The following PDGFRA variants were observed in gnomAD, a reference collection of about 807,000 sequenced individuals.
PDGFRA encodes the protein platelet-derived growth factor receptor alpha.
In PDGFRA, 25 loss-of-function variants were observed where a neutral mutation model predicts 121.5. The ratio of observed to expected loss-of-function variants is 0.21; its 90% confidence interval spans 0.15 to 0.29. The LOEUF (loss-of-function observed/expected upper bound fraction) is 0.29. Ranked by LOEUF, PDGFRA falls within the 10% of genes least tolerant of loss-of-function variation. The probability of loss-of-function intolerance (pLI) is 1.00; values close to 1 mark genes in which losing one functional copy is unlikely to be tolerated. For missense variants in PDGFRA, 1,008 were observed against 1,345.1 expected (o/e 0.75, Z 3.92); for synonymous variants, 463 against 494.8 (o/e 0.94, Z 0.85).
At position 54,295,883 on chromosome 4, in the gene PDGFRA, C is replaced by T. The variant is rs1230666569; in HGVS notation, c.*611C>T. The T allele has an allele frequency of 4.3e-6, 1 of 234,132 alleles. No individual in the cohort carries two copies. Among genetic ancestry groups the T allele is most frequent in the African/African-American group, 2.2e-5 (1 of 45,300 alleles). The allele number at this position is 234,132 out of a possible 1,614,324, so 14.5% of individuals were successfully genotyped here. On this transcript the variant is annotated 3_prime_UTR_variant, in exon 23 of 23. Transcript: ENST00000257290. ...CCAACCTTGTTTAATAGATTTGGGT[C>T]ATTTAGAAGCCTGACAACTCATTTT...
chr4:54,242,287 G>A (rs948860162), intron 1 of PDGFRA, among the ~76,000 whole-genome samples: 1 of 151,956 alleles, frequency 6.6e-6, no homozygotes, highest in African/African-American at 2.4e-5. Flanking sequence ...CTACCTTAAG[G>A]GTAATGTTGG....
At chr4:54,283,671 G>A (rs531703407) in intron 16 of PDGFRA, among the ~76,000 whole-genome samples, 1 of 152,360 alleles carries the variant, frequency 6.6e-6, no homozygotes, top group Non-Finnish European at 1.5e-5. Context: ...TGGTTGCCCA[G>A]CAGCCCTCTT....
chr4:54,241,086 A>C (rs1721271593), intron 1 of PDGFRA, among the ~76,000 whole-genome samples: 1 of 152,256 alleles, frequency 6.6e-6, no homozygotes, highest in African/African-American at 2.4e-5. Context: ...ACTAAAATTT[A>C]GAGTTACTAA....
At chr4:54,288,947 T>A (rs1239806427) in intron 20 of PDGFRA, 49 bp downstream of exon 20, 1 of 1,530,340 alleles carries the variant, frequency 6.5e-7, no homozygotes, top group Admixed American at 1.7e-5. Flanking sequence ...TCTGTGGGTC[T>A]AGGGGGAGGG....
rs2110301031 is a variant in PDGFRA, at chr4:54,274,992, C to T, written c.1786+19C>T. 6.2e-7 allele frequency: 1 copy of T among 1,613,652 alleles called. No homozygotes were observed. The highest frequency in any genetic ancestry group is 8.5e-7 in the Non-Finnish European group (1 of 1,179,686). ...GTGCTTGGTAAGTTCCATGGGGTAA[C>T]CTCCCAAGACTCCCTTTTCCCTTGC... On this transcript the variant is annotated intron_variant, in intron 12 of 22. Coordinates refer to ENST00000257290, the MANE Select transcript of PDGFRA (RefSeq NM_006206.6).
intron 1 of PDGFRA, among the ~76,000 whole-genome samples, chr4:54,232,868 A>G (rs1720761627): frequency 6.6e-6 from 1 of 152,148 alleles, no homozygotes; most frequent in Admixed American, 6.5e-5. Context: ...TTACAGGCGT[A>G]AGCCACCGCG....
At chr4:54,269,362 T>C (rs972758470) in intron 7 of PDGFRA, among the ~76,000 whole-genome samples, 4 of 152,126 alleles carry the variant, frequency 2.6e-5, no homozygotes, top group Admixed American at 1.3e-4. Flanking sequence ...ACAAGGAAAC[T>C]GAGGCATGGA....
chr4:54,295,419 T>G lies in PDGFRA; in HGVS notation c.*147T>G. On this transcript the variant is annotated 3_prime_UTR_variant, in exon 23 of 23. Coordinates refer to ENST00000257290, the MANE Select transcript of PDGFRA (RefSeq NM_006206.6). Reference sequence around the variant, plus strand: ...CAGCCAAGGGCCTCGGGGAGCGTTCTAAATATGAATGAATGGGATATTTTG... The same window carrying G: ...CAGCCAAGGGCCTCGGGGAGCGTTCGAAATATGAATGAATGGGATATTTTG... The G allele has an allele frequency of 1.4e-6, 1 of 709,306 alleles. No individual in the cohort carries two copies. The highest frequency in any genetic ancestry group is 1.8e-5 in the African/African-American group (1 of 57,008). The allele number at this position is 709,306 out of a possible 1,614,324, so 43.9% of individuals were successfully genotyped here.
At chr4:54,232,285 G>T (rs1048369517) in intron 1 of PDGFRA, among the ~76,000 whole-genome samples, 1 of 152,290 alleles carries the variant, frequency 6.6e-6, no homozygotes, top group South Asian at 2.1e-4. Context: ...AGGATCGGGG[G>T]CAAATGGCTT....
intron 16 of PDGFRA, among the ~76,000 whole-genome samples, chr4:54,282,917 G>A (rs1293263224): frequency 1.3e-5 from 2 of 152,248 alleles, no homozygotes; most frequent in Non-Finnish European, 2.9e-5. Context: ...ACCCAGCAGG[G>A]CTGAAAACTC....
At chr4:54,249,583 A>G (rs901240991) in intron 1 of PDGFRA, among the ~76,000 whole-genome samples, 2 of 150,562 alleles carry the variant, frequency 1.3e-5, no homozygotes, top group Non-Finnish European at 2.9e-5. Flanking sequence ...GAATTGAACA[A>G]TGAGAACAAC....
In PDGFRA at chr4:54,250,475, T is replaced by C. The variant is rs1017942120; in HGVS notation, c.-12-8282T>C. 3.3e-5 allele frequency among the ~76,000 whole-genome samples: 5 copies of C among 152,216 alleles called. No individual in the cohort carries two copies. In the East Asian group the frequency reaches 9.6e-4, roughly 29 times the overall value. ...ATATAAAATGCTATTTGGCTTTCTTTGGACTATACTTATATAAATGTGTTA... is the reference window on the plus strand; with the variant it reads ...ATATAAAATGCTATTTGGCTTTCTTCGGACTATACTTATATAAATGTGTTA... On this transcript the variant is annotated intron_variant, in intron 1 of 22. Coordinates refer to ENST00000257290, the MANE Select transcript of PDGFRA (RefSeq NM_006206.6).
chr4:54,266,099 AT>A (rs1347346646), intron 5 of PDGFRA, among the ~76,000 whole-genome samples: 2 of 152,226 alleles, frequency 1.3e-5, no homozygotes, highest in Non-Finnish European at 2.9e-5. Flanking sequence ...ATATGAAGTG[AT>A]TTGGTTCTTC....
intron 1 of PDGFRA, among the ~76,000 whole-genome samples, chr4:54,247,026 T>C (rs1721718313): frequency 6.6e-6 from 1 of 152,136 alleles, no homozygotes; most frequent in Non-Finnish European, 1.5e-5. Context: ...CAGGAAGAAG[T>C]TGATTCTCTG....
At chr4:54,241,833 G>A (rs1352572055) in intron 1 of PDGFRA, among the ~76,000 whole-genome samples, 1 of 152,258 alleles carries the variant, frequency 6.6e-6, no homozygotes, top group African/African-American at 2.4e-5. Context: ...ACAGGCATGA[G>A]CCACCTCATG....
In PDGFRA at chr4:54,274,506, T is replaced by C. The variant is rs748396365; in HGVS notation, c.1559-25T>C. 26 of 1,570,236 alleles carry C rather than the reference T, an allele frequency of 1.7e-5. No homozygotes were observed. In the Admixed American group the frequency reaches 4.3e-4, roughly 26 times the overall value. ...GCATGTCTGCCAGGAAACTTTTCAT[T>C]GTGCCTCTCTCTCTTGTCACGTAGC... On this transcript the variant is annotated intron_variant, in intron 10 of 22. Coordinates refer to ENST00000257290, the MANE Select transcript of PDGFRA (RefSeq NM_006206.6).
At chr4:54,239,517 A>C (rs1378087966) in intron 1 of PDGFRA, among the ~76,000 whole-genome samples, 15 of 152,230 alleles carry the variant, frequency 9.9e-5, no homozygotes. Context: ...ATGAAGGGAC[A>C]ATGGTAACCT....
intron 15 of PDGFRA, 126 bp from the exon 16 acceptor site, chr4:54,280,190 T>G: frequency 1.4e-6 from 1 of 705,674 alleles, no homozygotes; most frequent in African/African-American, 1.8e-5. Context: ...TATGGATTGG[T>G]TTTGCTTTTA....
chr4:54,273,977 GTTGT>G (rs1297508451), intron 10 of PDGFRA, among the ~76,000 whole-genome samples: 4 of 152,198 alleles, frequency 2.6e-5, no homozygotes, highest in Non-Finnish European at 5.9e-5. Context: ...TACCTAGGAC[GTTGT>G]TTTAGATTCA....
Sources: allele counts gnomAD v4.1 joint callset (sites outside exome capture counted in the v4.1 genomes callset), GRCh38; gene constraint gnomAD v4.1.1; transcripts MANE v1.5; gene names NCBI Gene and HGNC (gene_info 2026-07-23, HGNC 2026-07-21).